ATP11C: variants seen among roughly 807,000 people sequenced by gnomAD.
ATP11C encodes ATPase phospholipid transporting 11C (ATP11C blood group), also known as phospholipid-transporting ATPase IG.
ATP11C carries 36 observed loss-of-function variants against 97.4 expected under a neutral mutation model. The observed-to-expected ratio is 0.37, with a 90% CI of 0.28 to 0.49. The LOEUF is 0.49. ATP11C is among the 20% of genes least tolerant of loss of function. The pLI, the probability that ATP11C is intolerant of heterozygous loss-of-function variation, is 0.98. For synonymous variants in ATP11C, 275 were observed against 290.9 expected, an observed-to-expected ratio of 0.95 and a Z score of 0.56; for missense variants, 730 against 824.6, an observed-to-expected ratio of 0.89 and a Z score of 1.40.
At chrX:139,933,145 G>A (rs1313969751), upstream of ATP11C, 2 of 99,609 alleles carry the variant, frequency 2.0e-5, no homozygotes, top group Non-Finnish European at 4.1e-5. Context: ...CCTTGCTCCC[G>A]GGGCAGCCTG....
chrX:139,742,298 C>T (rs747290481), intron 26 of ATP11C, among the ~76,000 whole-genome samples: 187 of 111,725 alleles, frequency 1.7e-3, no homozygotes, highest in Non-Finnish European at 3.2e-3. Flanking sequence ...ACTTCTATCT[C>T]GATTTTATAG....
At chrX:139,903,353 G>T (rs1171408031) in intron 1 of ATP11C, among the ~76,000 whole-genome samples, 2 of 109,937 alleles carry the variant, frequency 1.8e-5, no homozygotes, top group African/African-American at 6.6e-5. Context: ...CTTATTGTAG[G>T]TCTTAAGAGC....
In ATP11C at chrX:139,773,283, G is replaced by C. The variant is rs769349609; in HGVS notation, c.2216+1407C>G. Among the ~76,000 whole-genome samples, 7 of 111,282 alleles carry C rather than the reference G, an allele frequency of 6.3e-5. No individual in the cohort carries two copies. The South Asian group carries it at 1.9e-3, about 30-fold the overall frequency. On this transcript the variant is annotated intron_variant, in intron 19 of 29. Transcript: ENST00000682941. ...AACCTCTTTTTGTTCCCAGTTTCGG[G>C]TATGTCTTTATCAGCAGTGTAAAAA...
intron 21 of ATP11C, among the ~76,000 whole-genome samples, 187 bp from the exon 22 acceptor site, chrX:139,762,293 A>T (rs923785257): frequency 8.9e-6 from 1 of 112,385 alleles, no homozygotes. Flanking sequence ...ACTAAGTTTA[A>T]CTGGTAACTC....
At chrX:139,884,692 G>A (rs906620787) in intron 1 of ATP11C, among the ~76,000 whole-genome samples, 6 of 111,813 alleles carry the variant, frequency 5.4e-5, no homozygotes, top group African/African-American at 1.6e-4. Context: ...ATTTTGACTT[G>A]AGAAGGAGTG....
Position 139,866,343 on chromosome X carries a change from C to CAAAAAAAAAAAAAAA in ATP11C, c.28-39535_28-39521dup, listed in dbSNP as rs57250412. Among the ~76,000 whole-genome samples, 69 of 27,544 alleles carry CAAAAAAAAAAAAAAA rather than the reference C, an allele frequency of 2.5e-3. 1 individual carries two copies. The highest frequency in any genetic ancestry group is 0.018 in the East Asian group (8 of 441). The allele number at this position is 27,544 out of a possible 115,157, so 23.9% of individuals were successfully genotyped here. ...TGGGTGACAGAGAAAGACTCTGTCT[C>CAAAAAAAAAAAAAAA]AAAAAAAAAAAAAAAAAAAAAAAAC... is the stretch of plus-strand genomic sequence containing the variant. On this transcript the variant is annotated intron_variant, in intron 1 of 29. Coordinates refer to ENST00000682941, the MANE Select transcript of ATP11C (RefSeq NM_001353812.2).
chrX:139,932,076 C>G lies in ATP11C; in HGVS notation c.-34G>C, dbSNP rs1282145456. On this transcript the variant is annotated 5_prime_UTR_variant, in exon 1 of 30. Coordinates refer to ENST00000682941, the MANE Select transcript of ATP11C (RefSeq NM_001353812.2). ...AGGCTGCCGGGCGCTGAGCTGGGCT[C>G]TACCGGGCTGTCTGGGAAGGCGCCG... 8.8e-7 allele frequency: 1 copy of G among 1,140,421 alleles called. No individual in the cohort carries two copies. The highest frequency in any genetic ancestry group is 1.2e-6 in the Non-Finnish European group (1 of 856,940). The allele number at this position is 1,140,421 out of a possible 1,213,427, so 94.0% of individuals were successfully genotyped here.
chrX:139,832,854 A>G (rs1296431248), intron 1 of ATP11C, among the ~76,000 whole-genome samples: 2 of 112,102 alleles, frequency 1.8e-5, no homozygotes, highest in East Asian at 2.8e-4. Flanking sequence ...TAAGAAAGTT[A>G]TATCTCAGCA....
At chrX:139,827,246 G>C (rs931151290) in intron 1 of ATP11C, among the ~76,000 whole-genome samples, 1 of 112,055 alleles carries the variant, frequency 8.9e-6, no homozygotes, top group Non-Finnish European at 1.9e-5. Flanking sequence ...CCTTACTAGA[G>C]AACAGAAAGC....
chrX:139,743,716 T>C, intron 25 of ATP11C, 92 bp from the exon 26 acceptor site: 2 of 489,903 alleles, frequency 4.1e-6, no homozygotes, highest in Non-Finnish European at 6.5e-6. Flanking sequence ...TTGAATCCTG[T>C]GTGTAAGTGC....
chrX:139,809,523 G>A (rs1433053444), intron 5 of ATP11C, among the ~76,000 whole-genome samples: 4 of 112,221 alleles, frequency 3.6e-5, no homozygotes, highest in African/African-American at 6.5e-5. Flanking sequence ...GGCTGAGGAA[G>A]GGAGAAATGG....
chrX:139,762,174 GT>G, intron 21 of ATP11C, 68 bp from the exon 22 acceptor site: 1 of 861,813 alleles, frequency 1.2e-6, no homozygotes, highest in Non-Finnish European at 1.6e-6. Flanking sequence ...TATCTTCACA[GT>G]TTCAACTTGG....
At chrX:139,874,759 G>A (rs901110532) in intron 1 of ATP11C, among the ~76,000 whole-genome samples, 12 of 111,948 alleles carry the variant, frequency 1.1e-4, no homozygotes, top group East Asian at 5.6e-4. Flanking sequence ...GGCTTAGAAC[G>A]CCCAGCCATA....
chrX:139,779,327 T>C (rs968740272), intron 18 of ATP11C, among the ~76,000 whole-genome samples: 1 of 112,228 alleles, frequency 8.9e-6, no homozygotes. Flanking sequence ...ATTGATCACA[T>C]GCTTGGTCAT....
chrX:139,800,037 A>C (rs1458744111), intron 8 of ATP11C, 23 bp downstream of exon 8: 5 of 621,556 alleles, frequency 8.0e-6, no homozygotes, highest in Non-Finnish European at 2.4e-6. Context: ...CCAAAGGACA[A>C]ATTAAAGAAA....
At chrX:139,828,958 A>C (rs1217600747) in intron 1 of ATP11C, among the ~76,000 whole-genome samples, 4 of 112,498 alleles carry the variant, frequency 3.6e-5, no homozygotes, top group Non-Finnish European at 7.5e-5. Context: ...CTACATTTGA[A>C]TGACATTTCC....
intron 2 of ATP11C, among the ~76,000 whole-genome samples, chrX:139,821,775 A>G (rs2083413424): frequency 8.9e-6 from 1 of 112,251 alleles, no homozygotes; most frequent in Non-Finnish European, 1.9e-5. Flanking sequence ...GCCTAGAACA[A>G]TAGTTTAGCA....
intron 25 of ATP11C, among the ~76,000 whole-genome samples, chrX:139,743,864 A>C (rs1054774055): frequency 8.1e-5 from 9 of 111,668 alleles, no homozygotes; most frequent in Non-Finnish European, 1.1e-4. Flanking sequence ...CTATTACTCC[A>C]TGCAGCACTG....
At chrX:139,853,462 G>A (rs1007862576) in intron 1 of ATP11C, among the ~76,000 whole-genome samples, 1 of 110,968 alleles carries the variant, frequency 9.0e-6, no homozygotes, top group African/African-American at 3.3e-5. Flanking sequence ...CAAAGATTGA[G>A]AGAAACAAAG....
Sources: allele counts gnomAD v4.1 joint callset (sites outside exome capture counted in the v4.1 genomes callset), GRCh38; gene constraint gnomAD v4.1.1; transcripts MANE v1.5; gene names NCBI Gene and HGNC (gene_info 2026-07-23, HGNC 2026-07-21).